The following KIF26A variants were observed in gnomAD, a reference collection of about 807,000 sequenced individuals.
The protein encoded by KIF26A is kinesin family member 26A.
Under a neutral mutation model 126.0 loss-of-function variants are expected in KIF26A, and 74 were observed. The observed-to-expected ratio is 0.59, with a 90% confidence interval of 0.49 to 0.71. The LOEUF (loss-of-function observed/expected upper bound fraction) is 0.71, where lower values mean the gene tolerates loss of function less well. KIF26A is among the 30% of genes least tolerant of loss of function. The probability of loss-of-function intolerance (pLI) is 0.00; values close to 1 mark genes in which losing one functional copy is unlikely to be tolerated. For missense variants in KIF26A, 2,984 were observed against 2,763.3 expected (o/e 1.08, Z -1.79); for synonymous variants, 1,445 against 1,232.7 (o/e 1.17, Z -3.61).
intron 13 of KIF26A, 44 bp from the exon 14 acceptor site, chr14:104,179,192 G>A (rs1209109276): frequency 5.6e-6 from 8 of 1,422,608 alleles, no homozygotes; most frequent in Admixed American, 5.6e-5. Context: ...GGGTCTCTGG[G>A]GAGAGGGTCC....
At position 104,176,148 on chromosome 14, in the gene KIF26A, C is replaced by T. The variant is rs752769417; in HGVS notation, c.3360C>T (p.Cys1120=). 1.9e-6 allele frequency: 3 copies of T among 1,586,240 alleles called. No homozygotes were observed. The highest frequency in any genetic ancestry group is 2.6e-6 in the Non-Finnish European group (3 of 1,167,498). The part of the protein sequence containing the change: ...ISSWLSEVSV[C]TADSRDPTPQ... ...CCTGGCTCAGCGAGGTCAGCGTCTG[C>T]ACTGCCGACAGCCGTGACCCCACGC... is the stretch of plus-strand genomic sequence containing the variant. Residue 1120 remains cysteine, a synonymous_variant, in exon 12 of 15, where the codon TGC becomes TGT. Transcript: ENST00000423312.
At chr14:104,179,515 C>T in intron 14 of KIF26A, 94 bp from the exon 15 acceptor site, 1 of 1,431,954 alleles carries the variant, frequency 7.0e-7, no homozygotes, top group Admixed American at 2.7e-5. Context: ...TCGGCCGGGC[C>T]AAGATGCCTT....
intron 10 of KIF26A, 59 bp downstream of exon 10, chr14:104,173,927 C>G: frequency 6.6e-7 from 1 of 1,515,862 alleles, no homozygotes. Context: ...CCTGGTAAAT[C>G]CGTGTCTGGT....
Position 104,175,578 on chromosome 14 carries a change from G to A in KIF26A, c.2790G>A (p.Trp930Ter). Residue 930 changes from tryptophan to a stop codon, truncating the protein, a stop_gained, in exon 12 of 15, where the codon TGG (tryptophan) becomes TGA (stop). Coordinates refer to ENST00000423312, the MANE Select transcript of KIF26A (RefSeq NM_015656.2). LOFTEE classifies it high-confidence loss of function. ...WGDQREDSSA[W>*]PELLVPEKAA... ...ACCAGAGAGAGGACAGCAGCGCTTG[G>A]CCTGAGCTGCTGGTCCCGGAAAAGG... is the stretch of plus-strand genomic sequence containing the variant. 1 of 1,608,218 alleles carries A rather than the reference G, an allele frequency of 6.2e-7. No individual in the cohort carries two copies. Among genetic ancestry groups the A allele is most frequent in the South Asian group, 1.1e-5 (1 of 90,994 alleles).
rs139221634 is a variant in KIF26A at position 104,159,972 on chromosome 14, C to T, written c.923+2030C>T. 4.4e-3 allele frequency among the ~76,000 whole-genome samples: 665 copies of T among 152,232 alleles called. 2 individuals are homozygous for T. The highest frequency in any genetic ancestry group is 4.3e-3 in the Non-Finnish European group (294 of 68,002). On this transcript the variant is annotated intron_variant, in intron 4 of 14. Coordinates refer to ENST00000423312, the MANE Select transcript of KIF26A (RefSeq NM_015656.2). ...CAGGAGACAGTGGAGCTTCAGCCCCCGCCCCAGGGGTCTTGGGCACGTGCT... is the reference window on the plus strand; with the variant it reads ...CAGGAGACAGTGGAGCTTCAGCCCCTGCCCCAGGGGTCTTGGGCACGTGCT...
intron 4 of KIF26A, among the ~76,000 whole-genome samples, chr14:104,165,686 T>G (rs967088844): frequency 6.6e-6 from 1 of 152,024 alleles, no homozygotes; most frequent in Non-Finnish European, 1.5e-5. Flanking sequence ...TGCATATGTG[T>G]GACTGTGTGT....
rs1596138504 is a variant in KIF26A at position 104,157,773 on chromosome 14, G to A, written c.754G>A (p.Ala252Thr). 2 of 1,610,526 alleles carry A rather than the reference G, an allele frequency of 1.2e-6. No homozygotes were observed. The highest frequency in any genetic ancestry group is 1.7e-4 in the Middle Eastern group (1 of 6,048). Residue 252 changes from alanine to threonine, a missense_variant, in exon 4 of 15, where the codon GCC becomes ACC. Physicochemically the swap from Ala to Thr is moderately conservative, Grantham distance 58 (BLOSUM62 0). Coordinates refer to ENST00000423312, the MANE Select transcript of KIF26A (RefSeq NM_015656.2). ...PACLAEAAVA[A>T]VAVADTVREC... ...CCTCCAGGCCGAGGCAGCGGTGGCG[G>A]CCGTGGCGGTGGCAGACACGGTCCG... is the stretch of plus-strand genomic sequence containing the variant.
rs960748194 is a variant in KIF26A at position 104,179,950 on chromosome 14, C to T, written c.*160C>T. 12 of 759,062 alleles carry T rather than the reference C, an allele frequency of 1.6e-5. No homozygotes were observed. The highest frequency in any genetic ancestry group is 1.8e-5 in the Non-Finnish European group (9 of 496,274). 47.0% of individuals were successfully genotyped at this position (759,062 alleles called of 1,614,324 possible). A position where few individuals can be genotyped will look rare whatever the true frequency, so the allele number is the denominator to read the frequency against. On this transcript the variant is annotated 3_prime_UTR_variant, in exon 15 of 15. Coordinates refer to ENST00000423312, the MANE Select transcript of KIF26A (RefSeq NM_015656.2). ...AGACGGAGTGTGGGGGAGGGAGGGC[C>T]GGCCACGCGGTGGACAGAGCGAGGG...
At chr14:104,172,216 G>T (rs1012617629) in intron 6 of KIF26A, among the ~76,000 whole-genome samples, 12 of 152,236 alleles carry the variant, frequency 7.9e-5, no homozygotes, top group Non-Finnish European at 1.8e-4. Context: ...GCAGCTGTTG[G>T]GCTCTGGGCT....
In KIF26A at chr14:104,152,541, T is replaced by C. The variant is rs2037740437; in HGVS notation, c.735+80T>C. 7.4e-7 allele frequency: 1 copy of C among 1,358,032 alleles called. No homozygotes were observed. The highest frequency in any genetic ancestry group is 1.5e-5 in the African/African-American group (1 of 68,316). 84.1% of individuals were successfully genotyped at this position (1,358,032 alleles called of 1,614,324 possible). On this transcript the variant is annotated intron_variant, in intron 3 of 14. Coordinates refer to ENST00000423312, the MANE Select transcript of KIF26A (RefSeq NM_015656.2). The surrounding 1 kb of genome is among the most constrained non-coding windows in gnomAD (Gnocchi z 5.9). ...TTCCTTCGGGGGTCTCTGTCCACGT[T>C]GAGTGCCCTGCAGTAAGGCTTCCCT...
chr14:104,174,405 A>G (rs767102585), intron 11 of KIF26A, 95 bp downstream of exon 11: 9 of 1,286,212 alleles, frequency 7.0e-6, no homozygotes, highest in Non-Finnish European at 9.3e-6. Flanking sequence ...GGGGGTCAGC[A>G]GGTGGCCTGG....
In KIF26A at chr14:104,177,430, G is replaced by A; in HGVS notation, c.4642G>A (p.Ala1548Thr). The change falls in exon 12 of 15, where the codon GCT (alanine) becomes ACT (threonine). Residue 1548 changes from alanine to threonine, a missense_variant. Coordinates refer to ENST00000423312, the MANE Select transcript of KIF26A (RefSeq NM_015656.2). The stretch of plus-strand genomic sequence containing the variant: ...GGCCGGGCCCAGTGTCGGGGCGAAG[G>A]CTGGCCGGGGTACCGTCATGGGCAC... ...PRAGPSVGAK[A>T]GRGTVMGTKQ... 1 of 1,516,680 alleles carries A rather than the reference G, an allele frequency of 6.6e-7. No individual in the cohort carries two copies. The highest frequency in any genetic ancestry group is 8.8e-7 in the Non-Finnish European group (1 of 1,136,076). The allele number at this position is 1,516,680 out of a possible 1,614,324, so 94.0% of individuals were successfully genotyped here. A position where few individuals can be genotyped will look rare whatever the true frequency, so the allele number is the denominator to read the frequency against.
intron 2 of KIF26A, among the ~76,000 whole-genome samples, chr14:104,142,957 C>G (rs531092912): frequency 2.0e-5 from 3 of 152,218 alleles, no homozygotes; most frequent in Non-Finnish European, 4.4e-5. Flanking sequence ...TGACCATCCC[C>G]CTCCCCCACA....
intron 4 of KIF26A, among the ~76,000 whole-genome samples, chr14:104,162,720 T>TC (rs1284749589): frequency 2.0e-5 from 3 of 151,774 alleles, no homozygotes; most frequent in African/African-American, 4.8e-5. Flanking sequence ...GCGTGACCTC[T>TC]CCCCATCCAC....
Position 104,138,651 on chromosome 14 carries a change from C to T in KIF26A, c.-72C>T. ...CCATGGGGGCGCCTCGGGGCCGGAT[C>T]ACGTAGCCGCGGCGCCCCCGGAGAG... On this transcript the variant is annotated 5_prime_UTR_variant, in exon 1 of 15. Transcript: ENST00000423312. 8.4e-7 allele frequency: 1 copy of T among 1,186,324 alleles called. No individual in the cohort carries two copies. Among genetic ancestry groups the T allele is most frequent in the Non-Finnish European group, 1.1e-6 (1 of 942,170 alleles). 73.5% of individuals were successfully genotyped at this position (1,186,324 alleles called of 1,614,324 possible).
chr14:104,172,058 C>T lies in KIF26A; in HGVS notation c.1326+123C>T, dbSNP rs943312499. On this transcript the variant is annotated intron_variant, in intron 6 of 14. Coordinates refer to ENST00000423312, the MANE Select transcript of KIF26A (RefSeq NM_015656.2). ...GCAGAGGAAGCGTGAGCGAGGGGCC[C>T]GCTGCCTGCGGCGCCTGCCTGCTTA... 19 of 944,010 alleles carry T rather than the reference C, an allele frequency of 2.0e-5. No individual in the cohort carries two copies. In the South Asian group the frequency reaches 3.1e-4, roughly 15 times the overall value. 58.5% of individuals were successfully genotyped at this position (944,010 alleles called of 1,614,324 possible). A position where few individuals can be genotyped will look rare whatever the true frequency, so the allele number is the denominator to read the frequency against.
In KIF26A at chr14:104,138,701, G is replaced by T; in HGVS notation, c.-22G>T. The T allele has an allele frequency of 7.9e-7, 1 of 1,268,780 alleles. No individual in the cohort carries two copies. The allele number at this position is 1,268,780 out of a possible 1,614,324, so 78.6% of individuals were successfully genotyped here. ...GCCAGCGTGGCCGGGAGCGCCTGCCGGGCTCTTCCCGCGCCCCGGCCATGG... is the reference window on the plus strand; with the variant it reads ...GCCAGCGTGGCCGGGAGCGCCTGCCTGGCTCTTCCCGCGCCCCGGCCATGG... On this transcript the variant is annotated 5_prime_UTR_variant, in exon 1 of 15. Coordinates refer to ENST00000423312, the MANE Select transcript of KIF26A (RefSeq NM_015656.2).
chr14:104,165,939 T>C (rs2037894511), intron 4 of KIF26A, among the ~76,000 whole-genome samples: 1 of 150,756 alleles, frequency 6.6e-6, no homozygotes, highest in Non-Finnish European at 1.5e-5. Flanking sequence ...CCCTGGAGGG[T>C]GTGTTAAACC....
chr14:104,165,716 T>C (rs1044672104), intron 4 of KIF26A, among the ~76,000 whole-genome samples: 2 of 151,988 alleles, frequency 1.3e-5, no homozygotes, highest in African/African-American at 4.8e-5. Flanking sequence ...TGTGCATATG[T>C]GTGTCTGTGT....
Sources: gnomAD v4.1 joint callset for allele counts (sites outside exome capture counted in the v4.1 genomes callset) on GRCh38, gnomAD v4.1.1 for gene constraint, Gnocchi (gnomAD v3.1) non-coding constraint, MANE v1.5 for transcripts, NCBI Gene and HGNC (gene_info 2026-07-23, HGNC 2026-07-21) for gene names.